The following NRG1 variants were observed in gnomAD, a reference collection of about 807,000 sequenced individuals.
The protein encoded by NRG1 is neuregulin 1, also known as pro-neuregulin-1, membrane-bound isoform.
In NRG1, 18 loss-of-function variants were observed where a neutral mutation model predicts 63.8. The observed-to-expected ratio is 0.28, with a 90% CI of 0.19 to 0.42. NRG1 has a LOEUF of 0.42. NRG1 is among the 10% of genes least tolerant of loss of function. NRG1 has a pLI of 1.00. For missense variants in NRG1, 762 were observed against 814.7 expected, an observed-to-expected ratio of 0.94 and a Z score of 0.79; for synonymous variants, 302 against 301.3, an observed-to-expected ratio of 1.00 and a Z score of -0.02.
chr8:32,032,786 T>G (rs1818465674), intron 1 of NRG1, among the ~76,000 whole-genome samples: 1 of 152,202 alleles, frequency 6.6e-6, no homozygotes. Context: ...TAATTAGATC[T>G]CATTTTTAAA....
chr8:32,643,586 C>G (rs1165265212), intron 5 of NRG1, among the ~76,000 whole-genome samples: 2 of 152,204 alleles, frequency 1.3e-5, no homozygotes, highest in Admixed American at 6.5e-5. Flanking sequence ...GGAAGAACCA[C>G]TCAGCTGAAC....
chr8:31,650,401 C>T (rs1053363242), intron 1 of NRG1, among the ~76,000 whole-genome samples: 2 of 152,176 alleles, frequency 1.3e-5, no homozygotes, highest in African/African-American at 4.8e-5. Context: ...ATCTTTCTCA[C>T]CTTCCCATAT....
At chr8:32,450,429 A>G (rs774577517) in intron 1 of NRG1, among the ~76,000 whole-genome samples, 2 of 152,094 alleles carry the variant, frequency 1.3e-5, no homozygotes, top group African/African-American at 4.8e-5. Flanking sequence ...AAAGAAAAAA[A>G]AAATTGAGAC....
chr8:32,619,597 T>C (rs1173011732), intron 5 of NRG1, among the ~76,000 whole-genome samples: 2 of 152,156 alleles, frequency 1.3e-5, no homozygotes, highest in African/African-American at 4.8e-5. Context: ...AAAGTCAGTC[T>C]GTAATAGTTT....
chr8:32,303,183 C>CAAAAAAAAAAAAAAAAAAAAAAAAAGAAA (rs1563291349), intron 1 of NRG1, among the ~76,000 whole-genome samples: 1 of 59,708 alleles, frequency 1.7e-5, no homozygotes, highest in Non-Finnish European at 2.9e-5. Flanking sequence ...AACTCAGTCT[C>CAAAAAAAAAAAAAAAAAAAAAAAAAGAAA]CAAAAAAAAA....
intron 1 of NRG1, among the ~76,000 whole-genome samples, chr8:31,993,372 T>C (rs1370806105): frequency 1.3e-5 from 2 of 151,946 alleles, no homozygotes; most frequent in Admixed American, 6.6e-5. Context: ...GACTCTAATA[T>C]GGTTTGACTG....
At chr8:32,580,055 C>A (rs1409709782) in intron 1 of NRG1, among the ~76,000 whole-genome samples, 1 of 152,120 alleles carries the variant, frequency 6.6e-6, no homozygotes, top group East Asian at 1.9e-4. Context: ...TATAGTCAGC[C>A]CTTCCTATGC....
At chr8:32,726,788 G>A (rs1212389419) in intron 5 of NRG1, among the ~76,000 whole-genome samples, 2 of 152,072 alleles carry the variant, frequency 1.3e-5, no homozygotes, top group East Asian at 3.9e-4. Context: ...AGTAAACAAG[G>A]TCATATGAAA....
intron 1 of NRG1, among the ~76,000 whole-genome samples, chr8:31,704,738 A>T (rs1025630442): frequency 3.0e-4 from 46 of 151,122 alleles, no homozygotes; most frequent in Admixed American, 2.0e-3. Context: ...AGGCTGAGGC[A>T]GGAGAATGGC....
chr8:32,315,687 G>T (rs1040649013), intron 1 of NRG1, among the ~76,000 whole-genome samples: 1 of 152,142 alleles, frequency 6.6e-6, no homozygotes. Context: ...TCTGACACCT[G>T]CTAGACACCC....
At chr8:31,967,297 C>A (rs1013729122) in intron 1 of NRG1, among the ~76,000 whole-genome samples, 1 of 152,070 alleles carries the variant, frequency 6.6e-6, no homozygotes, top group Non-Finnish European at 1.5e-5. Context: ...TCTCTATTTC[C>A]CCTTTTCCTT....
chr8:32,070,428 A>G (rs1462899), intron 1 of NRG1, among the ~76,000 whole-genome samples: 148,689 of 152,296 alleles, frequency 0.98, 72,684 homozygotes, highest in East Asian at 1. Flanking sequence ...TAATAGCATA[A>G]TAGCTACTCA....
intron 1 of NRG1, among the ~76,000 whole-genome samples, chr8:32,451,467 G>T (rs779851565): frequency 6.6e-6 from 1 of 152,164 alleles, no homozygotes; most frequent in Admixed American, 6.5e-5. Flanking sequence ...CTTTTTCCCC[G>T]GGGAGGGGGA....
chr8:32,411,477 T>A (rs769000224), intron 1 of NRG1, among the ~76,000 whole-genome samples: 1 of 152,212 alleles, frequency 6.6e-6, no homozygotes, highest in Non-Finnish European at 1.5e-5. Flanking sequence ...GCCATGTACC[T>A]CAATTCAGTC....
chr8:32,284,477 C>CCCTGCCTGCCTGCGTGCCTGCCTG (rs1554497394), intron 1 of NRG1, among the ~76,000 whole-genome samples: 3,823 of 140,270 alleles, frequency 0.027, 118 homozygotes, highest in Non-Finnish European at 0.041. Flanking sequence ...ATGCTTGCCT[C>CCCTGCCTGCCTGCGTGCCTGCCTG]CCTGCCTGCC....
At chr8:32,187,784 C>T (rs1377241649) in intron 1 of NRG1, among the ~76,000 whole-genome samples, 2 of 152,154 alleles carry the variant, frequency 1.3e-5, no homozygotes, top group African/African-American at 2.4e-5. Context: ...TTAGAATTAC[C>T]AGCACATGTT....
At chr8:32,739,053 C>T (rs1400525856) in intron 6 of NRG1, among the ~76,000 whole-genome samples, 1 of 152,170 alleles carries the variant, frequency 6.6e-6, no homozygotes, top group Non-Finnish European at 1.5e-5. Context: ...TTCCCAGAAC[C>T]TTAGTGGGAA....
intron 1 of NRG1, among the ~76,000 whole-genome samples, chr8:31,873,983 G>A (rs939445792): frequency 5.3e-5 from 8 of 152,114 alleles, no homozygotes; most frequent in African/African-American, 1.9e-4. Context: ...ATCCATCAAT[G>A]AAAATGTGAT....
At chr8:32,463,174 C>A (rs1348554429) in intron 1 of NRG1, among the ~76,000 whole-genome samples, 1 of 151,944 alleles carries the variant, frequency 6.6e-6, no homozygotes, top group Non-Finnish European at 1.5e-5. Flanking sequence ...GTATCTATAC[C>A]ACAATTTATT....
Sources: allele counts gnomAD v4.1 joint callset (sites outside exome capture counted in the v4.1 genomes callset), GRCh38; gene constraint gnomAD v4.1.1; transcripts MANE v1.5; gene names NCBI Gene and HGNC (gene_info 2026-07-23, HGNC 2026-07-21).